The following ALS2 variants were observed in gnomAD, a reference collection of about 807,000 sequenced individuals.
ALS2 encodes the protein alsin.
Under a neutral mutation model 203.4 loss-of-function variants are expected in ALS2, and 117 were observed. That is an observed-to-expected ratio of 0.58 (90% CI 0.50 to 0.67). ALS2 has a LOEUF of 0.67. ALS2 is among the 30% of genes least tolerant of loss of function. The pLI, the probability that ALS2 is intolerant of heterozygous loss-of-function variation, is 0.00. For synonymous variants in ALS2, 718 were observed against 725.9 expected (o/e 0.99, Z 0.17); for missense variants, 1,715 against 1,989.4 (o/e 0.86, Z 2.62).
chr2:201,751,765 A>G (rs1222001332), intron 7 of ALS2, among the ~76,000 whole-genome samples: 2 of 152,182 alleles, frequency 1.3e-5, no homozygotes, highest in Non-Finnish European at 2.9e-5. Flanking sequence ...ACACACACGC[A>G]CACATACACA....
intron 3 of ALS2, chr2:201,765,455 T>G (rs1244646589): frequency 6.0e-6 from 1 of 166,962 alleles, no homozygotes; most frequent in Non-Finnish European, 1.5e-5. Flanking sequence ...AGTTCACACT[T>G]TTAAAGTAAG....
intron 12 of ALS2, among the ~76,000 whole-genome samples, chr2:201,736,146 C>G (rs1691861863): frequency 6.6e-6 from 1 of 151,998 alleles, no homozygotes; most frequent in East Asian, 1.9e-4. Flanking sequence ...TAAACAACAA[C>G]AACAACAAAC....
At position 201,757,698 on chromosome 2, in the gene ALS2, A is replaced by C. The variant is rs779624350; in HGVS notation, c.1175T>G (p.Leu392Arg). ...HSPPTTSTSALNSLVVSCASA... is the reference protein window; with the variant it reads ...HSPPTTSTSARNSLVVSCASA... Reference sequence around the variant, plus strand: ...TGCACAAGAGACCACCAGGCTGTTTAGGGCTGAGGTGCTTGTGGTAGGCGG... The same window carrying C: ...TGCACAAGAGACCACCAGGCTGTTTCGGGCTGAGGTGCTTGTGGTAGGCGG... Residue 392 changes from leucine (L) to arginine (R), a missense_variant, in exon 5 of 34, where the codon CTA becomes CGA. Coordinates refer to ENST00000264276, the MANE Select transcript of ALS2 (RefSeq NM_020919.4). 1.2e-6 allele frequency: 2 copies of C among 1,613,890 alleles called. No homozygotes were observed. Among genetic ancestry groups the C allele is most frequent in the Admixed American group, 3.3e-5 (2 of 60,008 alleles).
At chr2:201,703,584 C>A (rs954831981) in intron 33 of ALS2, among the ~76,000 whole-genome samples, 3 of 152,110 alleles carry the variant, frequency 2.0e-5, no homozygotes, top group African/African-American at 4.8e-5. Context: ...TTTCAATAAA[C>A]TTTAGAGTGA....
Position 201,709,948 on chromosome 2 carries a change from G to A in ALS2, c.4213C>T (p.Arg1405Cys), listed in dbSNP as rs572110252. ...RMTYVGVGAN[R>C]RLLQEAVKEI... is the part of the protein sequence containing the mutation. ...TTTACAGCCTCCTGCAATAACCTGC[G>A]GTTGGCTCCTACGCCCACGTATGTC... The change falls in exon 27 of 34, where the codon CGC becomes TGC. Residue 1405 changes from arginine (R) to cysteine (C), a missense_variant. Physicochemically the swap from Arg to Cys is radical, Grantham distance 180. Transcript: ENST00000264276. 22 of 1,614,046 alleles carry A rather than the reference G, an allele frequency of 1.4e-5. No individual in the cohort carries two copies. In the Admixed American group the frequency reaches 2.2e-4, roughly 16 times the overall value.
chr2:201,766,017 C>A (rs529435044), intron 3 of ALS2, among the ~76,000 whole-genome samples: 1 of 152,126 alleles, frequency 6.6e-6, no homozygotes, highest in Admixed American at 6.5e-5. Flanking sequence ...GGTAGCAGTG[C>A]AGATTCAGTG....
At position 201,760,957 on chromosome 2, in the gene ALS2, T is replaced by C. The variant is rs199757764; in HGVS notation, c.1037A>G (p.Asn346Ser). 2.8e-4 allele frequency: 444 copies of C among 1,614,100 alleles called. No individual in the cohort carries two copies. The highest frequency in any genetic ancestry group is 3.4e-4 in the Non-Finnish European group (407 of 1,180,050). Residue 346 changes from asparagine to serine, a missense_variant, in exon 4 of 34, where the codon AAT becomes AGT. By Grantham distance (46) the Asn-to-Ser change is conservative (BLOSUM62 1). Around this residue, in one of 3 missense-constraint regions of ALS2, gnomAD observed 476 missense variants for 539.3 expected, o/e 0.88. Transcript: ENST00000264276. ...ATCTGACAGTTTCCGTAGGTATTCA[T>C]TGACTGCTTGGGTGTCAGGGTATGA... Reference protein sequence around the residue: ...IPSYPDTQAVNEYLRKLSDHS... With the variant: ...IPSYPDTQAVSEYLRKLSDHS...
At chr2:201,741,535 C>A in intron 11 of ALS2, 139 bp downstream of exon 11, 3 of 924,786 alleles carry the variant, frequency 3.2e-6, no homozygotes. Context: ...CTATAGTTGG[C>A]TTAAGATTAA....
chr2:201,758,773 T>C (rs1042486785), intron 4 of ALS2, among the ~76,000 whole-genome samples: 5 of 151,902 alleles, frequency 3.3e-5, no homozygotes, highest in African/African-American at 9.7e-5. Context: ...TGTGTGTGTG[T>C]GTGTGTGTGT....
At chr2:201,764,846 C>T (rs188655155) in intron 3 of ALS2, among the ~76,000 whole-genome samples, 13 of 152,198 alleles carry the variant, frequency 8.5e-5, no homozygotes, top group East Asian at 3.9e-4. Context: ...TGTTAGACGA[C>T]GTTTTCTTTT....
intron 25 of ALS2, among the ~76,000 whole-genome samples, chr2:201,711,913 C>T (rs1406138172): frequency 3.3e-5 from 5 of 152,140 alleles, no homozygotes; most frequent in African/African-American, 7.2e-5. Flanking sequence ...GTCTTAAGGT[C>T]GAACTGACAG....
intron 33 of ALS2, among the ~76,000 whole-genome samples, chr2:201,703,202 TTTC>T (rs551422469): frequency 3.8e-4 from 58 of 152,290 alleles, no homozygotes; most frequent in African/African-American, 1.3e-3. Context: ...TCTAATTATT[TTTC>T]TTATTTTAAT....
intron 29 of ALS2, among the ~76,000 whole-genome samples, chr2:201,705,984 T>G (rs1007854700): frequency 6.6e-5 from 10 of 151,552 alleles, no homozygotes; most frequent in Non-Finnish European, 1.2e-4. Context: ...TCACTTTTCC[T>G]GGTAGCACAA....
Position 201,761,004 on chromosome 2 carries a change from A to G in ALS2, c.990T>C (p.Ile330=). The G allele has an allele frequency of 1.2e-6, 2 of 1,614,190 alleles. No individual in the cohort carries two copies. Among genetic ancestry groups the G allele is most frequent in the Non-Finnish European group, 1.7e-6 (2 of 1,180,046 alleles). The change falls in exon 4 of 34, where the codon ATT becomes ATC. Residue 330 remains isoleucine, a synonymous_variant. Coordinates refer to ENST00000264276, the MANE Select transcript of ALS2 (RefSeq NM_020919.4). ...SQQNVMGTTE[I]SSARNIPSYP... ...ATGATGGTATGTTTCTGGCAGAGGA[A>G]ATTTCAGTTGTTCCCATGACATTTT... is the stretch of plus-strand genomic sequence containing the variant.
At position 201,704,224 on chromosome 2, in the gene ALS2, CCAGAGAG is replaced by C; in HGVS notation, c.4839-13_4839-7del. The C allele has an allele frequency of 6.2e-7, 1 of 1,611,842 alleles. No homozygotes were observed. Among genetic ancestry groups the C allele is most frequent in the East Asian group, 2.2e-5 (1 of 44,862 alleles). On this transcript the variant is annotated splice_region_variant and splice_polypyrimidine_tract_variant and intron_variant, in intron 32 of 33. Transcript: ENST00000264276. ...CAGAGCCTAAATTCCTAATCCTGCC[CCAGAGAG>C]AAAAAGATGCTGAGTTATTTTCACT...
chr2:201,703,981 G>T (rs1689539726), intron 33 of ALS2, 141 bp downstream of exon 33: 1 of 711,402 alleles, frequency 1.4e-6, no homozygotes, highest in Non-Finnish European at 2.4e-6. Flanking sequence ...ATGTTTTAAA[G>T]TGTAGAACAA....
intron 24 of ALS2, among the ~76,000 whole-genome samples, chr2:201,716,997 AGGGAGAGATGGT>A (rs1219411285): frequency 6.6e-6 from 1 of 152,212 alleles, no homozygotes; most frequent in African/African-American, 2.4e-5. Context: ...TGCCACATCT[AGGGAGAGATGGT>A]GGGAGAACAG....
chr2:201,729,664 A>T (rs1423368103), intron 13 of ALS2, among the ~76,000 whole-genome samples: 1 of 152,076 alleles, frequency 6.6e-6, no homozygotes, highest in East Asian at 1.9e-4. Flanking sequence ...GCGGATCACG[A>T]GGTCAGGAGA....
At chr2:201,747,221 C>T (rs1413819074) in intron 8 of ALS2, among the ~76,000 whole-genome samples, 1 of 152,122 alleles carries the variant, frequency 6.6e-6, no homozygotes, top group Non-Finnish European at 1.5e-5. Context: ...TGCTAAAATT[C>T]AGTTTTCCCA....
Sources: allele counts gnomAD v4.1 joint callset (sites outside exome capture counted in the v4.1 genomes callset), GRCh38; gene constraint gnomAD v4.1.1; regional missense constraint gnomAD v4.1.1; transcripts MANE v1.5; gene names NCBI Gene and HGNC (gene_info 2026-07-23, HGNC 2026-07-21).